The following CAMKMT variants were observed in gnomAD, a reference collection of about 807,000 sequenced individuals.
CAMKMT encodes the protein CaM KMT.
A neutral mutation model predicts 48.0 loss-of-function variants in CAMKMT; 53 were observed. That is an observed-to-expected ratio of 1.10 (90% CI 0.89 to 1.39). The LOEUF is 1.39. CAMKMT is among the 40% of genes most tolerant of loss of function. The probability of loss-of-function intolerance (pLI) is 0.00; values close to 1 mark genes in which losing one functional copy is unlikely to be tolerated. For synonymous variants in CAMKMT, 165 were observed against 152.3 expected (o/e 1.08, Z -0.61); for missense variants, 428 against 402.7 (o/e 1.06, Z -0.54).
chr2:44,705,534 G>C (rs1208273471), intron 4 of CAMKMT: 1 of 985,242 alleles, frequency 1.0e-6, no homozygotes, highest in Non-Finnish European at 1.2e-6. Flanking sequence ...GCACAAAGGG[G>C]AAGGTAAGTG....
intron 3 of CAMKMT, among the ~76,000 whole-genome samples, chr2:44,687,223 T>C (rs1295797167): frequency 6.6e-6 from 1 of 152,212 alleles, no homozygotes; most frequent in Non-Finnish European, 1.5e-5. Context: ...TGTTAAATGG[T>C]TTCCACTGTT....
chr2:44,658,967 C>T (rs2104072535), intron 3 of CAMKMT, among the ~76,000 whole-genome samples: 1 of 152,166 alleles, frequency 6.6e-6, no homozygotes. Flanking sequence ...ATTCCCTCCT[C>T]CAATTCCCCC....
At chr2:44,583,669 G>A (rs535825906) in intron 3 of CAMKMT, among the ~76,000 whole-genome samples, 1 of 152,010 alleles carries the variant, frequency 6.6e-6, no homozygotes, top group Non-Finnish European at 1.5e-5. Context: ...GGTGGCACAC[G>A]CCTGTAGTCC....
chr2:44,598,766 G>A (rs1670817658), intron 3 of CAMKMT, among the ~76,000 whole-genome samples: 1 of 149,522 alleles, frequency 6.7e-6, no homozygotes, highest in African/African-American at 2.5e-5. Flanking sequence ...GGAGGTGGTT[G>A]TGAGGCGATA....
intron 3 of CAMKMT, among the ~76,000 whole-genome samples, chr2:44,504,585 T>C (rs1329367972): frequency 6.6e-6 from 1 of 152,176 alleles, no homozygotes; most frequent in Admixed American, 6.5e-5. Flanking sequence ...AAGGGCAGAA[T>C]TGAGGTGGGG....
chr2:44,725,870 CA>C (rs1464394380), intron 7 of CAMKMT, among the ~76,000 whole-genome samples: 2 of 150,592 alleles, frequency 1.3e-5, no homozygotes, highest in Non-Finnish European at 3.0e-5. Flanking sequence ...ATTTAAGATA[CA>C]AGGAGTACAT....
rs555821607 is a variant in CAMKMT at position 44,527,948 on chromosome 2, C to A, written c.376+137643C>A. Among the ~76,000 whole-genome samples, 601 of 152,226 alleles carry A rather than the reference C, an allele frequency of 3.9e-3. 5 individuals carry two copies. The highest frequency in any genetic ancestry group is 0.014 in the African/African-American group (565 of 41,544). The stretch of plus-strand genomic sequence containing the variant: ...CAAATGTATAAATGACATGTATTTG[C>A]CATGACTGTATCATAGAGAATAGTT... On this transcript the variant is annotated intron_variant, in intron 3 of 10. Transcript: ENST00000378494.
At chr2:44,767,869 T>C (rs1680910663) in intron 10 of CAMKMT, among the ~76,000 whole-genome samples, 1 of 152,214 alleles carries the variant, frequency 6.6e-6, no homozygotes, top group African/African-American at 2.4e-5. Context: ...AGCTGACAGC[T>C]GCTTCAATGT....
intron 3 of CAMKMT, among the ~76,000 whole-genome samples, chr2:44,590,628 A>T (rs1253798182): frequency 6.6e-6 from 1 of 151,800 alleles, no homozygotes; most frequent in Non-Finnish European, 1.5e-5. Flanking sequence ...TGCAAATTTG[A>T]GTTCATTGTA....
intron 3 of CAMKMT, among the ~76,000 whole-genome samples, chr2:44,471,567 T>C (rs535873644): frequency 6.6e-6 from 1 of 152,002 alleles, no homozygotes; most frequent in South Asian, 2.1e-4. Context: ...GCCAATACAC[T>C]CTAGCCTGAG....
intron 3 of CAMKMT, among the ~76,000 whole-genome samples, chr2:44,461,274 C>T (rs786418): frequency 0.58 from 87,359 of 151,894 alleles, 26,547 homozygotes; most frequent in Admixed American, 0.68. Flanking sequence ...TCTATATGCA[C>T]GACTTTCTGA....
At chr2:44,612,177 G>A (rs1266912841) in intron 3 of CAMKMT, among the ~76,000 whole-genome samples, 5 of 117,732 alleles carry the variant, frequency 4.2e-5, no homozygotes, top group African/African-American at 5.7e-5. Context: ...ACAGGAAGCC[G>A]TTATCATTAG....
intron 3 of CAMKMT, among the ~76,000 whole-genome samples, chr2:44,670,407 C>T (rs1424373877): frequency 1.3e-5 from 2 of 152,014 alleles, no homozygotes; most frequent in African/African-American, 4.8e-5. Flanking sequence ...AGGGAGACCC[C>T]ATCTCTAAAA....
At chr2:44,600,730 T>C (rs575120294) in intron 3 of CAMKMT, among the ~76,000 whole-genome samples, 15 of 152,260 alleles carry the variant, frequency 9.9e-5, no homozygotes, top group Middle Eastern at 3.4e-3. Flanking sequence ...TAGATGAAAT[T>C]GGTTTGTTAT....
intron 2 of CAMKMT, among the ~76,000 whole-genome samples, chr2:44,389,520 G>C (rs1275034806): frequency 6.6e-6 from 1 of 152,056 alleles, no homozygotes; most frequent in Non-Finnish European, 1.5e-5. Context: ...AAATTATATG[G>C]GAGAGAATGT....
intron 3 of CAMKMT, among the ~76,000 whole-genome samples, chr2:44,638,572 A>C (rs939677107): frequency 6.6e-6 from 1 of 152,186 alleles, no homozygotes; most frequent in African/African-American, 2.4e-5. Context: ...TTGTCTTTCA[A>C]ATGGGGCCAA....
At chr2:44,763,081 T>C (rs1427654862) in intron 9 of CAMKMT, among the ~76,000 whole-genome samples, 1 of 152,174 alleles carries the variant, frequency 6.6e-6, no homozygotes, top group African/African-American at 2.4e-5. Flanking sequence ...CTGGGGATAC[T>C]GGGGTCTAAA....
At chr2:44,705,057 C>T (rs898141201) in intron 4 of CAMKMT, among the ~76,000 whole-genome samples, 2 of 152,002 alleles carry the variant, frequency 1.3e-5, no homozygotes, top group Non-Finnish European at 2.9e-5. Context: ...TCCTGAATAG[C>T]TCATTATGAT....
At chr2:44,686,313 A>C (rs1052536721) in intron 3 of CAMKMT, among the ~76,000 whole-genome samples, 3 of 151,990 alleles carry the variant, frequency 2.0e-5, no homozygotes, top group South Asian at 2.1e-4. Flanking sequence ...GAATGGCGTG[A>C]ACCTGGGAGG....
Sources: gnomAD v4.1 joint callset for allele counts (sites outside exome capture counted in the v4.1 genomes callset) on GRCh38, gnomAD v4.1.1 for gene constraint, MANE v1.5 for transcripts, NCBI Gene and HGNC (gene_info 2026-07-23, HGNC 2026-07-21) for gene names.